The following RMC1 variants were observed in gnomAD, a reference collection of about 807,000 sequenced individuals.
RMC1 encodes regulator of MON1-CCZ1, also known as regulator of MON1-CCZ1 complex.
In RMC1, 44 loss-of-function variants were observed where a neutral mutation model predicts 95.5. The ratio of observed to expected loss-of-function variants is 0.46; its 90% CI spans 0.36 to 0.59. The LOEUF (loss-of-function observed/expected upper bound fraction) is 0.59. Ranked by LOEUF, RMC1 falls within the 20% of genes least tolerant of loss-of-function variation. The pLI, the probability that RMC1 is intolerant of heterozygous loss-of-function variation, is 0.00. For synonymous variants in RMC1, 320 were observed against 303.6 expected (o/e 1.05, Z -0.56); for missense variants, 705 against 819.6 (o/e 0.86, Z 1.71).
At chr18:23,519,247 G>A in intron 9 of RMC1, 73 bp downstream of exon 9, 1 of 1,346,474 alleles carries the variant, frequency 7.4e-7, no homozygotes, top group Non-Finnish European at 1.1e-6. Context: ...GCTGGGCACG[G>A]TGGATCACGC....
chr18:23,516,840 T>A (rs959712778), intron 7 of RMC1, among the ~76,000 whole-genome samples: 1 of 151,352 alleles, frequency 6.6e-6, no homozygotes, highest in Non-Finnish European at 1.5e-5. Flanking sequence ...ATTCTTCTGC[T>A]TCAGCCTCCC....
rs79692028 is a variant in RMC1, at chr18:23,520,199, C to T, written c.850-3C>T. On this transcript the variant is annotated splice_region_variant and splice_polypyrimidine_tract_variant and intron_variant, in intron 9 of 19. Transcript: ENST00000269221. ...GCCTCAGTCTTGTCTTTTTCCCCCC[C>T]AGACATCGGTAATATTCGATATCAA... is the stretch of plus-strand genomic sequence containing the variant. 6.4e-4 allele frequency: 1,032 copies of T among 1,609,708 alleles called. 6 individuals carry two copies. In the African/African-American group the frequency reaches 0.012, roughly 19 times the overall value.
At chr18:23,515,235 A>T (rs985400880) in intron 5 of RMC1, among the ~76,000 whole-genome samples, 1 of 152,168 alleles carries the variant, frequency 6.6e-6, no homozygotes, top group Non-Finnish European at 1.5e-5. Context: ...AGGCACAGAT[A>T]AGGATTTTGG....
intron 2 of RMC1, chr18:23,506,591 T>A (rs2145127140): frequency 4.5e-6 from 1 of 221,442 alleles, no homozygotes; most frequent in South Asian, 5.9e-5. Context: ...CTGGGTTGCA[T>A]AATGAATGTG....
intron 10 of RMC1, chr18:23,522,664 T>A (rs2145227351): frequency 1.3e-5 from 2 of 152,328 alleles, no homozygotes; most frequent in Admixed American, 1.3e-4. Flanking sequence ...TCTAACCATC[T>A]GGTCATAAGG....
rs1046917665 is a variant in RMC1 at position 23,509,576 on chromosome 18, T to A, written c.408+297T>A. On this transcript the variant is annotated intron_variant, in intron 5 of 19. Coordinates refer to ENST00000269221, the MANE Select transcript of RMC1 (RefSeq NM_013326.5). ...ATTTTATTTTATTTTATTTTATTTTTGAGACGGAGTTTCGCTCTTGTTGCC... is the reference window on the plus strand; with the variant it reads ...ATTTTATTTTATTTTATTTTATTTTAGAGACGGAGTTTCGCTCTTGTTGCC... 1.0e-4 allele frequency: 16 copies of A among 156,736 alleles called. No homozygotes were observed. The East Asian group carries it at 2.3e-3, about 23-fold the overall frequency. 9.7% of individuals were successfully genotyped at this position (156,736 alleles called of 1,614,324 possible). A position where few individuals can be genotyped will look rare whatever the true frequency, so the allele number is the denominator to read the frequency against.
At chr18:23,503,858 C>A in intron 1 of RMC1, 138 bp downstream of exon 1, 1 of 713,370 alleles carries the variant, frequency 1.4e-6, no homozygotes, top group Non-Finnish European at 2.1e-6. Flanking sequence ...GCGGCGCGCG[C>A]TCCTTCCTTG....
rs1461975214 is a variant in RMC1, at chr18:23,529,210, C to G, written c.1328C>G (p.Pro443Arg). 1 of 1,613,822 alleles carries G rather than the reference C, an allele frequency of 6.2e-7. No individual in the cohort carries two copies. The highest frequency in any genetic ancestry group is 1.1e-5 in the South Asian group (1 of 91,072). ...AVEAGQSRSS[P>R]LLKRPVRTQA... is the part of the protein sequence containing the mutation. ...GAAGCAGGGCAGAGCCGAAGCAGCCCGCTCCTCAAGAGGCCGGTGCGGACC... is the reference window on the plus strand; with the variant it reads ...GAAGCAGGGCAGAGCCGAAGCAGCCGGCTCCTCAAGAGGCCGGTGCGGACC... The change falls in exon 15 of 20, where the codon CCG (proline) becomes CGG (arginine). Residue 443 changes from proline (P) to arginine (R), a missense_variant. Physicochemically the swap from Pro to Arg is moderately radical, Grantham distance 103. Transcript: ENST00000269221.
At chr18:23,522,930 A>G (rs2058182597) in intron 10 of RMC1, 1 of 152,194 alleles carries the variant, frequency 6.6e-6, no homozygotes, top group Non-Finnish European at 1.5e-5. Context: ...TATAACCAGC[A>G]CTTTTGGGAA....
At chr18:23,531,361 G>A (rs1598924669) in intron 19 of RMC1, 1 of 470,740 alleles carries the variant, frequency 2.1e-6, no homozygotes, top group East Asian at 4.4e-5. Flanking sequence ...AAGGATCAGG[G>A]CTGTCTAATG....
Position 23,507,961 on chromosome 18 carries a change from GTGTC to G in RMC1, c.265-20_265-17del, listed in dbSNP as rs1246121830. 5 of 1,608,038 alleles carry G rather than the reference GTGTC, an allele frequency of 3.1e-6. No individual in the cohort carries two copies. The African/African-American group carries it at 6.7e-5, about 22-fold the overall frequency. ...TATGCTGCCTAATCCAAATTTGTGT[GTGTC>G]TGTGTGTTTTTCCTTTCAGGATTTT... On this transcript the variant is annotated intron_variant, in intron 3 of 19. Coordinates refer to ENST00000269221, the MANE Select transcript of RMC1 (RefSeq NM_013326.5).
At chr18:23,511,154 G>T (rs2057848069) in intron 5 of RMC1, among the ~76,000 whole-genome samples, 1 of 152,222 alleles carries the variant, frequency 6.6e-6, no homozygotes. Flanking sequence ...CCATAAAAAT[G>T]AACAAGATCA....
In RMC1 at chr18:23,526,681, C is replaced by A. The variant is rs757896047; in HGVS notation, c.1105C>A (p.Leu369Ile). The A allele has an allele frequency of 1.9e-6, 3 of 1,614,138 alleles. No individual in the cohort carries two copies. The highest frequency in any genetic ancestry group is 2.5e-6 in the Non-Finnish European group (3 of 1,180,020). The change falls in exon 13 of 20, where the codon CTC becomes ATC. Residue 369 changes from leucine to isoleucine, a missense_variant. By Grantham distance (5) the Leu-to-Ile change is conservative. Transcript: ENST00000269221. ...AGTGAAACTTGAGCCCATAGTAAAT[C>A]TCTTACCAGACAAAGGAAGACTCAT... is the stretch of plus-strand genomic sequence containing the variant. ...LQVKLEPIVN[L>I]LPDKGRLMDF...
intron 7 of RMC1, among the ~76,000 whole-genome samples, chr18:23,517,660 T>C (rs979548356): frequency 1.3e-5 from 2 of 152,340 alleles, no homozygotes; most frequent in Admixed American, 6.5e-5. Flanking sequence ...GTAGTTAGTA[T>C]AATGTTCTTT....
Position 23,504,726 on chromosome 18 carries a change from G to A in RMC1, c.179+279G>A, listed in dbSNP as rs1407397297. ...GAAATTAACAAGTCAGCGTGATGAT[G>A]TGCCCATTTCTGGTTTGTTCACAGA... is the stretch of plus-strand genomic sequence containing the variant. On this transcript the variant is annotated intron_variant, in intron 2 of 19. Transcript: ENST00000269221. The A allele has an allele frequency of 3.2e-5, 10 of 308,526 alleles. 1 individual carries two copies. The highest frequency in any genetic ancestry group is 5.0e-5 in the Non-Finnish European group (8 of 160,438). 19.1% of individuals were successfully genotyped at this position (308,526 alleles called of 1,614,324 possible). A position where few individuals can be genotyped will look rare whatever the true frequency, so the allele number is the denominator to read the frequency against.
intron 5 of RMC1, 123 bp downstream of exon 5, chr18:23,509,402 C>A: frequency 2.9e-6 from 1 of 339,966 alleles, no homozygotes; most frequent in Non-Finnish European, 5.2e-6. Flanking sequence ...TGGAGTCTTG[C>A]TCTGTTGCCC....
chr18:23,529,747 G>A (rs1326742600), intron 16 of RMC1, 35 bp downstream of exon 16: 21 of 1,564,034 alleles, frequency 1.3e-5, no homozygotes, highest in Admixed American at 1.7e-5. Context: ...AGTTAAAACA[G>A]AAGGAATTTA....
chr18:23,530,202 T>C, intron 17 of RMC1, 27 bp from the exon 18 acceptor site: 1 of 1,614,124 alleles, frequency 6.2e-7, no homozygotes, highest in South Asian at 1.1e-5. Flanking sequence ...TCTTTCCAAC[T>C]GAAGTGGGTC....
In RMC1 at chr18:23,529,454, A is replaced by G. The variant is rs563062557; in HGVS notation, c.1416+156A>G. On this transcript the variant is annotated intron_variant, in intron 15 of 19. Coordinates refer to ENST00000269221, the MANE Select transcript of RMC1 (RefSeq NM_013326.5). ...CCCTAGAGCTGGTAGTTTGGCTTCT[A>G]ATGCTGAGGCCTAAAGCATAATTGT... 3.1e-5 allele frequency: 40 copies of G among 1,303,314 alleles called. No homozygotes were observed. The Middle Eastern group carries it at 8.2e-4, about 27-fold the overall frequency. The allele number at this position is 1,303,314 out of a possible 1,614,324, so 80.7% of individuals were successfully genotyped here.
Sources: allele counts gnomAD v4.1 joint callset (sites outside exome capture counted in the v4.1 genomes callset), GRCh38; gene constraint gnomAD v4.1.1; transcripts MANE v1.5; gene names NCBI Gene and HGNC (gene_info 2026-07-23, HGNC 2026-07-21).